The following STPG2 variants were observed in gnomAD, a reference collection of about 807,000 sequenced individuals.
STPG2 encodes sperm-tail PG-rich repeat-containing protein 2.
STPG2 carries 56 observed loss-of-function variants against 54.2 expected under a neutral mutation model. The ratio of observed to expected loss-of-function variants is 1.03; its 90% CI spans 0.83 to 1.29. The LOEUF is 1.29. Ranked by LOEUF, STPG2 falls within the 50% of genes most tolerant of loss-of-function variation. STPG2 has a pLI of 0.00. For missense variants in STPG2, 596 were observed against 544.9 expected (o/e 1.09, Z -0.93); for synonymous variants, 200 against 181.8 (o/e 1.10, Z -0.81).
intron 5 of STPG2, among the ~76,000 whole-genome samples, chr4:98,024,572 T>A (rs1337423794): frequency 6.6e-6 from 1 of 152,176 alleles, no homozygotes. Context: ...GTAGCACACA[T>A]AAGCAAGGGT....
At chr4:97,466,294 G>A (rs1729787306) in intron 4 of STPG2, among the ~76,000 whole-genome samples, 1 of 151,864 alleles carries the variant, frequency 6.6e-6, no homozygotes, top group South Asian at 2.1e-4. Flanking sequence ...TAGAAGTTAG[G>A]ATACATCTGC....
chr4:97,992,800 T>G (rs530512938), intron 5 of STPG2, among the ~76,000 whole-genome samples: 2 of 152,034 alleles, frequency 1.3e-5, no homozygotes, highest in Admixed American at 6.6e-5. Context: ...CTTTGAGAGG[T>G]CTTTCACCTC....
intron 9 of STPG2, among the ~76,000 whole-genome samples, chr4:97,745,449 C>T (rs1042352025): frequency 1.3e-5 from 2 of 150,934 alleles, no homozygotes; most frequent in African/African-American, 4.8e-5. Flanking sequence ...TCATTTCCCC[C>T]TTAGTCTACT....
At chr4:97,673,316 G>T (rs1236711398) in intron 10 of STPG2, among the ~76,000 whole-genome samples, 4 of 151,988 alleles carry the variant, frequency 2.6e-5, no homozygotes, top group African/African-American at 9.7e-5. Context: ...GAATATTTAT[G>T]GGTTCATGGT....
chr4:97,685,361 T>C (rs1337210983), intron 10 of STPG2, among the ~76,000 whole-genome samples: 2 of 152,146 alleles, frequency 1.3e-5, no homozygotes, highest in African/African-American at 4.8e-5. Context: ...ATCCACACAA[T>C]GGAGTGTTAC....
intron 4 of STPG2, among the ~76,000 whole-genome samples, chr4:97,457,663 C>T (rs1390713368): frequency 6.6e-6 from 1 of 152,204 alleles, no homozygotes; most frequent in African/African-American, 2.4e-5. Flanking sequence ...TTTTAATGTG[C>T]CTAAGTTTGT....
intron 5 of STPG2, among the ~76,000 whole-genome samples, chr4:98,006,186 C>T (rs974711126): frequency 3.9e-5 from 6 of 152,168 alleles, no homozygotes; most frequent in African/African-American, 1.4e-4. Flanking sequence ...GGACACTTTA[C>T]ATCACGGGGA....
chr4:97,620,949 T>A (rs974314350), intron 10 of STPG2, among the ~76,000 whole-genome samples: 1 of 152,074 alleles, frequency 6.6e-6, no homozygotes, highest in African/African-American at 2.4e-5. Context: ...TAGACCACAG[T>A]GTAATAAAAA....
At position 97,841,988 on chromosome 4, in the gene STPG2, G is replaced by C. The variant is rs148151372; in HGVS notation, c.1045-1056C>G. Among the ~76,000 whole-genome samples the C allele has an allele frequency of 1.2e-4, 18 of 151,858 alleles. No individual in the cohort carries two copies. The East Asian group carries it at 2.7e-3, about 23-fold the overall frequency. ...GACCAATCAGGGTTTGAGCTAACAG[G>C]GAAGTATTTTAAAGTTTCAAATAAG... On this transcript the variant is annotated intron_variant, in intron 8 of 10. Transcript: ENST00000295268.
At chr4:98,137,507 T>G (rs1184496473) in intron 1 of STPG2, among the ~76,000 whole-genome samples, 1 of 151,886 alleles carries the variant, frequency 6.6e-6, no homozygotes, top group African/African-American at 2.4e-5. Flanking sequence ...AAGGTCTACA[T>G]TTATATTTTA....
At chr4:97,953,543 A>T (rs1278757646) in intron 7 of STPG2, among the ~76,000 whole-genome samples, 1 of 152,160 alleles carries the variant, frequency 6.6e-6, no homozygotes, top group Non-Finnish European at 1.5e-5. Context: ...TTTTTGTGAG[A>T]TCCCCCCATG....
intron 4 of STPG2, among the ~76,000 whole-genome samples, chr4:97,441,939 T>A (rs1729093184): frequency 6.6e-6 from 1 of 152,074 alleles, no homozygotes; most frequent in African/African-American, 2.4e-5. Context: ...ATACACTATT[T>A]TCTCCACTGA....
At chr4:97,944,921 T>C (rs1053134278) in intron 7 of STPG2, among the ~76,000 whole-genome samples, 1 of 152,190 alleles carries the variant, frequency 6.6e-6, no homozygotes, top group Non-Finnish European at 1.5e-5. Context: ...GTAGCTTCTA[T>C]CACTTTCAAA....
At chr4:97,654,756 GA>G (rs745740797) in intron 10 of STPG2, among the ~76,000 whole-genome samples, 1 of 151,134 alleles carries the variant, frequency 6.6e-6, no homozygotes, top group South Asian at 2.1e-4. Flanking sequence ...GACAACAACA[GA>G]AAAAATGGTC....
chr4:97,846,486 G>A (rs1015176320), intron 8 of STPG2, among the ~76,000 whole-genome samples: 6 of 151,814 alleles, frequency 4.0e-5, no homozygotes, highest in East Asian at 1.9e-4. Flanking sequence ...TTAGCCAGGC[G>A]TGGTGGCATG....
At chr4:98,128,661 A>G (rs1444662353) in intron 2 of STPG2, 69 bp from the exon 3 acceptor site, 2 of 1,212,488 alleles carry the variant, frequency 1.6e-6, no homozygotes, top group Non-Finnish European at 2.2e-6. Flanking sequence ...CCAAATATTA[A>G]AAGTTACTAA....
chr4:98,058,358 G>T (rs527366191), intron 5 of STPG2, among the ~76,000 whole-genome samples: 4 of 152,106 alleles, frequency 2.6e-5, no homozygotes, highest in Non-Finnish European at 4.4e-5. Context: ...ATACAAGGAT[G>T]GAGGAAAATC....
chr4:97,637,184 C>A (rs1245135386), intron 10 of STPG2, among the ~76,000 whole-genome samples: 2 of 152,054 alleles, frequency 1.3e-5, no homozygotes, highest in African/African-American at 4.8e-5. Flanking sequence ...AAGGCTGGTT[C>A]AATATATGCA....
chr4:97,586,012 GAGA>G (rs777950762), intron 10 of STPG2, among the ~76,000 whole-genome samples: 8 of 151,900 alleles, frequency 5.3e-5, no homozygotes, highest in Non-Finnish European at 1.2e-4. Context: ...ATGCCAAACT[GAGA>G]AGAATTAGAT....
Sources: allele counts gnomAD v4.1 joint callset (sites outside exome capture counted in the v4.1 genomes callset), GRCh38; gene constraint gnomAD v4.1.1; transcripts MANE v1.5; gene names NCBI Gene and HGNC (gene_info 2026-07-23, HGNC 2026-07-21).